The following ZBTB17 variants were observed in gnomAD, a reference collection of about 807,000 sequenced individuals.
The protein encoded by ZBTB17 is zinc finger and BTB domain containing 17, also known as zinc finger and BTB domain-containing protein 17.
Under a neutral mutation model 85.1 loss-of-function variants are expected in ZBTB17, and 24 were observed. The ratio of observed to expected loss-of-function variants is 0.28; its 90% CI spans 0.20 to 0.40. The LOEUF (loss-of-function observed/expected upper bound fraction) is 0.40, where lower values mean the gene tolerates loss of function less well. Among genes scored for constraint, ZBTB17 ranks in the 10% least tolerant of loss-of-function variants. The pLI, the probability that ZBTB17 is intolerant of heterozygous loss-of-function variation, is 1.00. For synonymous variants in ZBTB17, 464 were observed against 460.2 expected (o/e 1.01, Z -0.11); for missense variants, 743 against 1,105.1 (o/e 0.67, Z 4.65).
chr1:15,954,204 A>G (rs531022020), intron 2 of ZBTB17, among the ~76,000 whole-genome samples: 2 of 152,348 alleles, frequency 1.3e-5, no homozygotes, highest in East Asian at 1.9e-4. Flanking sequence ...GCTGGAGTGC[A>G]TGCCCAGAGT....
Position 15,942,610 on chromosome 1 carries a change from C to T in ZBTB17, c.1957G>A (p.Glu653Lys), listed in dbSNP as rs770105706. The change falls in exon 14 of 16, where the codon GAG (glutamate) becomes AAG (lysine). Residue 653 changes from glutamate (E) to lysine (K), a missense_variant. Physicochemically the swap from Glu to Lys is moderately conservative, Grantham distance 56. This residue lies in a region of ZBTB17 where 321 missense variants were observed against 615.7 expected (regional missense o/e 0.52). Coordinates refer to ENST00000375743, the MANE Select transcript of ZBTB17 (RefSeq NM_003443.3). ...TCATCCACAGTGACCACGCTGACCT[C>T]ACTGCCCTCCTCGGGCTCCAGGATC... ...IKILEPEEGSEVSVVTVDDMV... is the reference protein window; with the variant it reads ...IKILEPEEGSKVSVVTVDDMV... 33 of 1,613,312 alleles carry T rather than the reference C, an allele frequency of 2.0e-5. No individual in the cohort carries two copies. The highest frequency in any genetic ancestry group is 2.7e-5 in the Non-Finnish European group (32 of 1,180,058).
rs1418120939 is a variant in ZBTB17, at chr1:15,944,596, G to C, written c.1075C>G (p.Leu359Val). 3 of 1,599,398 alleles carry C rather than the reference G, an allele frequency of 1.9e-6. No homozygotes were observed. The East Asian group carries it at 6.7e-5, about 36-fold the overall frequency. The change falls in exon 9 of 16, where the codon CTG (leucine) becomes GTG (valine). Residue 359 changes from leucine to valine, a missense_variant. Physicochemically the swap from Leu to Val is conservative, Grantham distance 32 (BLOSUM62 1). This residue lies in a region of ZBTB17 where 321 missense variants were observed against 615.7 expected (regional missense o/e 0.52). Transcript: ENST00000375743. Reference sequence around the variant, plus strand: ...CACTCCTCGCAGCCGTAGGGCTTCAGAGGGCTGCAGGGCCAGAAGGCGACA... The same window carrying C: ...CACTCCTCGCAGCCGTAGGGCTTCACAGGGCTGCAGGGCCAGAAGGCGACA... ...CKAHEKTHSP[L>V]KPYGCEECGK...
At chr1:15,967,308 C>T (rs1296494108) in intron 2 of ZBTB17, among the ~76,000 whole-genome samples, 3 of 151,636 alleles carry the variant, frequency 2.0e-5, no homozygotes, top group African/African-American at 4.8e-5. Flanking sequence ...CCAGGGAGGT[C>T]GAGGCTGCAG....
intron 2 of ZBTB17, among the ~76,000 whole-genome samples, chr1:15,971,324 T>A (rs2072642874): frequency 6.8e-6 from 1 of 147,156 alleles, no homozygotes; most frequent in Non-Finnish European, 1.5e-5. Flanking sequence ...TCTCTCTGTA[T>A]GTGTGTATGT....
intron 2 of ZBTB17, among the ~76,000 whole-genome samples, chr1:15,967,007 A>T (rs141800739): frequency 6.6e-6 from 1 of 152,034 alleles, no homozygotes; most frequent in Non-Finnish European, 1.5e-5. Context: ...TGTTTTGTAC[A>T]TAAAATGTAT....
chr1:15,952,816 C>G lies in ZBTB17; in HGVS notation c.-2-4319G>C, dbSNP rs1432756050. On this transcript the variant is annotated intron_variant, in intron 2 of 15. Coordinates refer to ENST00000375743, the MANE Select transcript of ZBTB17 (RefSeq NM_003443.3). The surrounding 1 kb of genome is among the most constrained non-coding windows in gnomAD (Gnocchi z 4.3). Reference sequence around the variant, plus strand: ...GACACACTTTCCTGGACCTCCCAGCCCAGCTGTGCGCTGCTGCACGCACGG... The same window carrying G: ...GACACACTTTCCTGGACCTCCCAGCGCAGCTGTGCGCTGCTGCACGCACGG... 6.6e-6 allele frequency: 1 copy of G among 152,380 alleles called. No individual in the cohort carries two copies. The highest frequency in any genetic ancestry group is 2.4e-5 in the African/African-American group (1 of 41,468). 9.4% of individuals were successfully genotyped at this position (152,380 alleles called of 1,614,324 possible).
In ZBTB17 at chr1:15,944,473, T is replaced by G. The variant is rs2071502810; in HGVS notation, c.1198A>C (p.Thr400Pro). 6.3e-7 allele frequency: 1 copy of G among 1,576,568 alleles called. No individual in the cohort carries two copies. Among genetic ancestry groups the G allele is most frequent in the African/African-American group, 1.3e-5 (1 of 74,124 alleles). Residue 400 changes from threonine to proline, a missense_variant, in exon 9 of 16, where the codon ACC becomes CCC. By Grantham distance (38) the Thr-to-Pro change is conservative. Coordinates refer to ENST00000375743, the MANE Select transcript of ZBTB17 (RefSeq NM_003443.3). Reference sequence around the variant, plus strand: ...TGGCGCTTGAGGTTGCCCGAGGTGGTGAAGAGCTTGCCGCAGTCCTCGCAG... The same window carrying G: ...TGGCGCTTGAGGTTGCCCGAGGTGGGGAAGAGCTTGCCGCAGTCCTCGCAG... Reference protein sequence around the residue: ...YRCEDCGKLFTTSGNLKRHQL... With the variant: ...YRCEDCGKLFPTSGNLKRHQL...
rs2071926761 is a variant in ZBTB17, at chr1:15,953,221, C to T, written c.-2-4724G>A. On this transcript the variant is annotated intron_variant, in intron 2 of 15. Transcript: ENST00000375743. The surrounding 1 kb of genome is among the most constrained non-coding windows in gnomAD (Gnocchi z 5.1). ...AGAAGCAGGATTTCACCATGTTGCCCAGGCTGGTCTCAAACTCCTGGGCTC... is the reference window on the plus strand; with the variant it reads ...AGAAGCAGGATTTCACCATGTTGCCTAGGCTGGTCTCAAACTCCTGGGCTC... Among the ~76,000 whole-genome samples, 1 of 151,884 alleles carries T rather than the reference C, an allele frequency of 6.6e-6. No homozygotes were observed. The highest frequency in any genetic ancestry group is 1.9e-4 in the East Asian group (1 of 5,190).
chr1:15,957,155 G>A (rs1435273845), intron 2 of ZBTB17, among the ~76,000 whole-genome samples: 2 of 151,130 alleles, frequency 1.3e-5, no homozygotes, highest in Non-Finnish European at 2.9e-5. Flanking sequence ...CTCCAGCCTG[G>A]GTGACAGTGA....
intron 2 of ZBTB17, among the ~76,000 whole-genome samples, chr1:15,970,909 G>A (rs898075368): frequency 6.6e-6 from 1 of 152,176 alleles, no homozygotes; most frequent in Non-Finnish European, 1.5e-5. Flanking sequence ...GCATATTCAG[G>A]CAGTCAGGTC....
intron 2 of ZBTB17, among the ~76,000 whole-genome samples, chr1:15,949,259 T>G (rs1472417380): frequency 6.6e-6 from 1 of 152,152 alleles, no homozygotes; most frequent in Non-Finnish European, 1.5e-5. Context: ...GTGAAAATGC[T>G]CAGGAAAATT....
chr1:15,960,759 A>T (rs1319185643), intron 2 of ZBTB17, among the ~76,000 whole-genome samples: 1 of 152,260 alleles, frequency 6.6e-6, no homozygotes, highest in Non-Finnish European at 1.5e-5. Context: ...AAGCCAAAAG[A>T]AAAAAGCAGG....
intron 2 of ZBTB17, among the ~76,000 whole-genome samples, chr1:15,948,704 A>C (rs1297134895): frequency 6.6e-6 from 1 of 152,228 alleles, no homozygotes; most frequent in African/African-American, 2.4e-5. Context: ...TCCTGGGTTT[A>C]CTGTCCAGGA....
chr1:15,971,426 TATAC>T (rs1336918340), intron 2 of ZBTB17, among the ~76,000 whole-genome samples: 2 of 125,086 alleles, frequency 1.6e-5, no homozygotes, highest in Non-Finnish European at 3.3e-5. Flanking sequence ...ACTATATATA[TATAC>T]ACACACACTA....
rs773506503 is a variant in ZBTB17 at position 15,946,273 on chromosome 1, T to C, written c.416A>G (p.Glu139Gly). Reference sequence around the variant, plus strand: ...CAGCGTGCTGGTGGCCACCTTCTCCTCTTTGGCTCTCTTGTCCCCTCCTGG... The same window carrying C: ...CAGCGTGCTGGTGGCCACCTTCTCCCCTTTGGCTCTCTTGTCCCCTCCTGG... ...ATEGGDKRAK[E>G]EKVATSTLSR... is the part of the protein sequence containing the mutation. Residue 139 changes from glutamate to glycine, a missense_variant, in exon 5 of 16, where the codon GAG (glutamate) becomes GGG (glycine). Glu to Gly is a moderately conservative substitution (Grantham distance 98). Around this residue, in one of 4 missense-constraint regions of ZBTB17, gnomAD observed 279 missense variants for 269.9 expected, o/e 1.03. Transcript: ENST00000375743. 2.2e-5 allele frequency: 35 copies of C among 1,613,640 alleles called. No individual in the cohort carries two copies. Among genetic ancestry groups the C allele is most frequent in the Non-Finnish European group, 3.0e-5 (35 of 1,179,730 alleles).
rs1010096944 is a variant in ZBTB17, at chr1:15,946,064, C to A, written c.535+90G>T. The A allele has an allele frequency of 3.8e-6, 6 of 1,587,852 alleles. 1 individual carries two copies. Among genetic ancestry groups the A allele is most frequent in the Admixed American group, 1.7e-5 (1 of 59,976 alleles). On this transcript the variant is annotated intron_variant, in intron 5 of 15. Coordinates refer to ENST00000375743, the MANE Select transcript of ZBTB17 (RefSeq NM_003443.3). ...GGCTCAAGAGGTGCAGGTGCCCGTGCTACCTGCCCCAAGGCAGCCCTCACT... is the reference window on the plus strand; with the variant it reads ...GGCTCAAGAGGTGCAGGTGCCCGTGATACCTGCCCCAAGGCAGCCCTCACT...
chr1:15,948,571 G>T, intron 2 of ZBTB17, 74 bp from the exon 3 acceptor site: 1 of 1,470,370 alleles, frequency 6.8e-7, no homozygotes, highest in Non-Finnish European at 9.3e-7. Flanking sequence ...CACTCCTAAA[G>T]TCCCAGGCGA....
chr1:15,944,669 G>A (rs367587048), intron 8 of ZBTB17, 28 bp downstream of exon 8: 27 of 1,603,496 alleles, frequency 1.7e-5, no homozygotes, highest in Middle Eastern at 3.4e-4. Flanking sequence ...GGCAGGGGCC[G>A]GGGTAGGAGG....
intron 1 of ZBTB17, 75 bp downstream of exon 1, chr1:15,975,908 A>C: frequency 2.0e-6 from 1 of 510,080 alleles, no homozygotes; most frequent in Non-Finnish European, 3.7e-6. Flanking sequence ...CCGGCGTCCC[A>C]CCGCGCCCCA....
Sources: allele counts gnomAD v4.1 joint callset (sites outside exome capture counted in the v4.1 genomes callset), GRCh38; gene constraint gnomAD v4.1.1; regional missense constraint gnomAD v4.1.1; non-coding constraint Gnocchi (gnomAD v3.1); transcripts MANE v1.5; gene names NCBI Gene and HGNC (gene_info 2026-07-23, HGNC 2026-07-21).